MTBP: variants seen among roughly 807,000 people sequenced by gnomAD.
MTBP encodes mdm2-binding protein.
In MTBP, 101 loss-of-function variants were observed where a neutral mutation model predicts 117.0. The observed-to-expected ratio is 0.86, with a 90% CI of 0.73 to 1.02. The LOEUF (loss-of-function observed/expected upper bound fraction) is 1.02. Ranked by LOEUF, MTBP falls within the 50% of genes least tolerant of loss-of-function variation. MTBP has a pLI of 0.00. For synonymous variants in MTBP, 350 were observed against 351.5 expected (o/e 1.00, Z 0.05); for missense variants, 970 against 1,030.9 (o/e 0.94, Z 0.81).
chr8:120,490,602 C>G, intron 13 of MTBP, 32 bp downstream of exon 13: 1 of 1,410,822 alleles, frequency 7.1e-7, no homozygotes, highest in Non-Finnish European at 9.8e-7. Flanking sequence ...TTATCCTACC[C>G]TAAAAATGTT....
intron 10 of MTBP, among the ~76,000 whole-genome samples, chr8:120,470,276 G>A (rs182323428): frequency 1.4e-4 from 22 of 152,302 alleles, no homozygotes; most frequent in Non-Finnish European, 2.9e-5. Context: ...AGAAGTTGCT[G>A]TATGTTTTCT....
At chr8:120,504,803 ATC>A (rs1053211590) in intron 15 of MTBP, among the ~76,000 whole-genome samples, 1 of 151,328 alleles carries the variant, frequency 6.6e-6, no homozygotes, top group Non-Finnish European at 1.5e-5. Context: ...TTAATATTCT[ATC>A]TCTAACTTTT....
At chr8:120,482,660 G>A (rs1253719368) in intron 11 of MTBP, among the ~76,000 whole-genome samples, 1 of 151,564 alleles carries the variant, frequency 6.6e-6, no homozygotes, top group African/African-American at 2.4e-5. Flanking sequence ...ACAGTAGTGA[G>A]TTATACACCT....
At chr8:120,465,976 G>A (rs894461860) in intron 10 of MTBP, among the ~76,000 whole-genome samples, 2 of 151,862 alleles carry the variant, frequency 1.3e-5, no homozygotes, top group Non-Finnish European at 2.9e-5. Flanking sequence ...TATATTTTCA[G>A]TTGTTTTGTT....
intron 10 of MTBP, among the ~76,000 whole-genome samples, 173 bp downstream of exon 10, chr8:120,463,934 CA>C (rs1244260677): frequency 6.6e-6 from 1 of 152,018 alleles, no homozygotes; most frequent in Non-Finnish European, 1.5e-5. Flanking sequence ...TTGGACTTTT[CA>C]TAATAACTGT....
intron 10 of MTBP, among the ~76,000 whole-genome samples, chr8:120,465,183 A>AT (rs1394150644): frequency 2.6e-5 from 4 of 152,214 alleles, no homozygotes; most frequent in African/African-American, 9.6e-5. Flanking sequence ...CAGTCACCTA[A>AT]TTTTTTGGAG....
At chr8:120,505,972 A>G (rs963827742) in intron 15 of MTBP, among the ~76,000 whole-genome samples, 1 of 152,180 alleles carries the variant, frequency 6.6e-6, no homozygotes, top group African/African-American at 2.4e-5. Context: ...TTACTTGACA[A>G]GTCGGAATAA....
rs1352890672 is a variant in MTBP, at chr8:120,518,818, G to A, written c.2610+1G>A. The A allele has an allele frequency of 2.5e-6, 4 of 1,598,888 alleles. No homozygotes were observed. In the African/African-American group the frequency reaches 4.0e-5, roughly 16 times the overall value. On this transcript the variant is annotated splice_donor_variant, in intron 20 of 21. Transcript: ENST00000305949. LOFTEE classifies it high-confidence loss of function. The stretch of plus-strand genomic sequence containing the variant: ...TGAAATCTCTAAGTTCTATCTAAAG[G>A]TACGGTATCTTCTCTACTAATGGCA...
At chr8:120,468,192 A>G (rs1466200823) in intron 10 of MTBP, among the ~76,000 whole-genome samples, 5 of 152,180 alleles carry the variant, frequency 3.3e-5, no homozygotes, top group Non-Finnish European at 7.3e-5. Flanking sequence ...TACATAAAAT[A>G]TATTTGACTT....
intron 14 of MTBP, among the ~76,000 whole-genome samples, chr8:120,499,403 A>T (rs769396323): frequency 6.6e-6 from 1 of 151,830 alleles, no homozygotes; most frequent in Non-Finnish European, 1.5e-5. Flanking sequence ...TTTTTTTTCA[A>T]ATTATTGGAT....
chr8:120,485,816 G>C (rs575547509), intron 11 of MTBP, among the ~76,000 whole-genome samples: 1 of 152,216 alleles, frequency 6.6e-6, no homozygotes, highest in South Asian at 2.1e-4. Context: ...GTATGAGTTG[G>C]CTAGGCAATT....
chr8:120,497,924 G>A (rs1363674728), intron 14 of MTBP, among the ~76,000 whole-genome samples: 1 of 152,130 alleles, frequency 6.6e-6, no homozygotes, highest in African/African-American at 2.4e-5. Flanking sequence ...AAATTTAATA[G>A]AGGTAAAAGT....
chr8:120,504,810 A>C (rs940343388), intron 15 of MTBP, among the ~76,000 whole-genome samples: 1 of 150,986 alleles, frequency 6.6e-6, no homozygotes, highest in Non-Finnish European at 1.5e-5. Context: ...TCTATCTCTA[A>C]CTTTTCTGCT....
chr8:120,497,677 G>C, intron 14 of MTBP, 123 bp downstream of exon 14: 1 of 625,548 alleles, frequency 1.6e-6, no homozygotes, highest in Non-Finnish European at 2.7e-6. Flanking sequence ...AATAATAATA[G>C]ATACTTATAT....
At position 120,517,974 on chromosome 8, in the gene MTBP, A is replaced by C. The variant is rs776624602; in HGVS notation, c.2370A>C (p.Pro790=). The stretch of plus-strand genomic sequence containing the variant: ...AACGGTCCTTACCAGTGACTTGTCC[A>C]TTGGTTCCAATTCCTAGCTGTGAAA... The part of the protein sequence containing the change: ...QTERSLPVTC[P]LVPIPSCETP... Residue 790 remains proline (P), a synonymous_variant, in exon 19 of 22, where the codon CCA becomes CCC. Transcript: ENST00000305949. 6.2e-7 allele frequency: 1 copy of C among 1,612,888 alleles called. No individual in the cohort carries two copies. The highest frequency in any genetic ancestry group is 1.7e-5 in the Admixed American group (1 of 59,892).
chr8:120,508,911 T>C (rs967146869), intron 16 of MTBP, among the ~76,000 whole-genome samples: 2 of 152,198 alleles, frequency 1.3e-5, no homozygotes, highest in African/African-American at 4.8e-5. Flanking sequence ...TCCAGAGAGC[T>C]TAATCTAATT....
rs188942964 is a variant in MTBP at position 120,469,301 on chromosome 8, C to T, written c.1048-1519C>T. Among the ~76,000 whole-genome samples the T allele has an allele frequency of 5.1e-3, 772 of 152,222 alleles. 10 individuals are homozygous for T. Among genetic ancestry groups the T allele is most frequent in the African/African-American group, 0.018 (731 of 41,518 alleles). On this transcript the variant is annotated intron_variant, in intron 10 of 21. Transcript: ENST00000305949. ...CCTCAGGTGATCCACTTGCCTCGGCCTCCCAAAGTGCTGAGATTACAGGTA... is the reference window on the plus strand; with the variant it reads ...CCTCAGGTGATCCACTTGCCTCGGCTTCCCAAAGTGCTGAGATTACAGGTA...
In MTBP at chr8:120,522,636, G is replaced by A; in HGVS notation, c.2611-18G>A. On this transcript the variant is annotated intron_variant, in intron 20 of 21. Transcript: ENST00000305949. ...TTTAATGTGCAGATTGTAAAATGCT[G>A]TATTTTATTATGTTTAGGATCTTAA... 2 of 1,504,168 alleles carry A rather than the reference G, an allele frequency of 1.3e-6. No homozygotes were observed. The highest frequency in any genetic ancestry group is 4.5e-5 in the East Asian group (2 of 44,070). The allele number at this position is 1,504,168 out of a possible 1,614,324, so 93.2% of individuals were successfully genotyped here.
At chr8:120,460,495 CTCTTT>C (rs1813560216) in intron 8 of MTBP, among the ~76,000 whole-genome samples, 1 of 152,058 alleles carries the variant, frequency 6.6e-6, no homozygotes, top group Non-Finnish European at 1.5e-5. Flanking sequence ...AAGAAGTGTG[CTCTTT>C]TCTTTGCCTT....
Sources: gnomAD v4.1 joint callset for allele counts (sites outside exome capture counted in the v4.1 genomes callset) on GRCh38, gnomAD v4.1.1 for gene constraint, MANE v1.5 for transcripts, NCBI Gene and HGNC (gene_info 2026-07-23, HGNC 2026-07-21) for gene names.